CACNA2D3: variants seen among roughly 807,000 people sequenced by gnomAD.
CACNA2D3 encodes voltage-dependent calcium channel subunit alpha-2/delta-3.
In CACNA2D3, 60 loss-of-function variants were observed where a neutral mutation model predicts 160.6. The ratio of observed to expected loss-of-function variants is 0.37; its 90% confidence interval spans 0.30 to 0.46. The LOEUF is 0.46. CACNA2D3 is among the 20% of genes least tolerant of loss of function. The probability of loss-of-function intolerance (pLI) is 1.00; values close to 1 mark genes in which losing one functional copy is unlikely to be tolerated. For missense variants in CACNA2D3, 1,205 were observed against 1,365.0 expected (o/e 0.88, Z 1.85); for synonymous variants, 558 against 492.9 (o/e 1.13, Z -1.75).
intron 25 of CACNA2D3, among the ~76,000 whole-genome samples, chr3:54,892,254 T>C (rs923856097): frequency 2.6e-5 from 4 of 152,128 alleles, no homozygotes; most frequent in Admixed American, 2.0e-4. Context: ...TGTGTGTGTG[T>C]GAGTTCAGAG....
intron 25 of CACNA2D3, chr3:54,894,526 G>A (rs1700140396): frequency 2.1e-6 from 1 of 469,330 alleles, no homozygotes; most frequent in Admixed American, 2.3e-5. Context: ...CATCTACCAT[G>A]ACTCTGGAAA....
intron 13 of CACNA2D3, among the ~76,000 whole-genome samples, chr3:54,799,419 A>G (rs1002292007): frequency 1.3e-5 from 2 of 152,128 alleles, no homozygotes; most frequent in Admixed American, 6.5e-5. Context: ...TTCACTTTCC[A>G]ATGAACAAAG....
At chr3:54,467,752 G>C (rs1050511900) in intron 4 of CACNA2D3, among the ~76,000 whole-genome samples, 2 of 152,152 alleles carry the variant, frequency 1.3e-5, no homozygotes, top group African/African-American at 2.4e-5. Flanking sequence ...AGTGGGGAGA[G>C]ATTGGTTGAT....
At chr3:54,174,075 C>T (rs756916076) in intron 2 of CACNA2D3, among the ~76,000 whole-genome samples, 1 of 152,156 alleles carries the variant, frequency 6.6e-6, no homozygotes, top group Non-Finnish European at 1.5e-5. Context: ...TTAGGCTTTG[C>T]AACTCTATAT....
intron 27 of CACNA2D3, among the ~76,000 whole-genome samples, chr3:54,963,485 C>T (rs185133749): frequency 6.6e-6 from 1 of 152,286 alleles, no homozygotes; most frequent in Non-Finnish European, 1.5e-5. Context: ...ACTAGTGCAA[C>T]TAAGGAACTA....
intron 21 of CACNA2D3, among the ~76,000 whole-genome samples, chr3:54,882,590 T>C (rs985772948): frequency 1.3e-5 from 2 of 152,208 alleles, no homozygotes; most frequent in African/African-American, 4.8e-5. Flanking sequence ...AGTGGCTGCT[T>C]ATCCACCCAA....
chr3:54,520,613 A>G (rs910647703), intron 5 of CACNA2D3, among the ~76,000 whole-genome samples: 1 of 152,230 alleles, frequency 6.6e-6, no homozygotes, highest in African/African-American at 2.4e-5. Context: ...TTATTGAGAT[A>G]CAATTCACAT....
intron 21 of CACNA2D3, 129 bp downstream of exon 21, chr3:54,880,992 A>G: frequency 1.3e-6 from 1 of 750,946 alleles, no homozygotes. Flanking sequence ...TTCCACTCAA[A>G]CGAATGCCTA....
intron 11 of CACNA2D3, among the ~76,000 whole-genome samples, chr3:54,671,378 G>T (rs1352690443): frequency 6.6e-6 from 1 of 152,012 alleles, no homozygotes; most frequent in East Asian, 1.9e-4. Context: ...AGGCTCTTGG[G>T]AGCCTGTGAG....
At position 54,814,822 on chromosome 3, in the gene CACNA2D3, G is replaced by A. The variant is rs1041986604; in HGVS notation, c.1381-2031G>A. ...GCTCAACAAAGATAAAATAGAGAGAGAGAGAAAGGACAGCTCTCCTGTCAG... is the reference window on the plus strand; with the variant it reads ...GCTCAACAAAGATAAAATAGAGAGAAAGAGAAAGGACAGCTCTCCTGTCAG... On this transcript the variant is annotated intron_variant, in intron 13 of 37. Transcript: ENST00000474759. Among the ~76,000 whole-genome samples, 7 of 152,142 alleles carry A rather than the reference G, an allele frequency of 4.6e-5. No homozygotes were observed. In the East Asian group the frequency reaches 1.4e-3, roughly 29 times the overall value.
intron 27 of CACNA2D3, among the ~76,000 whole-genome samples, chr3:54,905,255 G>A (rs994089515): frequency 1.3e-5 from 2 of 152,172 alleles, no homozygotes; most frequent in African/African-American, 4.8e-5. Context: ...GCATAACTCA[G>A]GGCAGTGTAA....
chr3:54,613,417 G>A (rs1252859188), intron 9 of CACNA2D3, among the ~76,000 whole-genome samples: 2 of 152,160 alleles, frequency 1.3e-5, no homozygotes, highest in African/African-American at 2.4e-5. Context: ...GAAAATCCAT[G>A]TTTCCATTTC....
intron 35 of CACNA2D3, among the ~76,000 whole-genome samples, chr3:55,071,912 G>A (rs531901749): frequency 2.0e-4 from 30 of 152,250 alleles, no homozygotes; most frequent in African/African-American, 5.3e-4. Context: ...TTAACCTGCC[G>A]CCTCAAAGGT....
intron 3 of CACNA2D3, among the ~76,000 whole-genome samples, chr3:54,357,826 A>G (rs1698675612): frequency 1.3e-5 from 2 of 152,254 alleles, no homozygotes; most frequent in Non-Finnish European, 2.9e-5. Context: ...AAAAGTCTAC[A>G]TGCTGCATGA....
intron 4 of CACNA2D3, among the ~76,000 whole-genome samples, chr3:54,426,531 C>T (rs879651863): frequency 6.6e-6 from 1 of 152,194 alleles, no homozygotes; most frequent in Admixed American, 6.5e-5. Flanking sequence ...AATTATGATG[C>T]ACCTCCCTAC....
chr3:54,331,522 G>T (rs1256117039), intron 3 of CACNA2D3, among the ~76,000 whole-genome samples: 1 of 152,124 alleles, frequency 6.6e-6, no homozygotes, highest in Non-Finnish European at 1.5e-5. Flanking sequence ...TATCATCTCT[G>T]TTGTCATCAT....
chr3:54,679,018 G>C (rs1246198717), intron 11 of CACNA2D3, among the ~76,000 whole-genome samples: 1 of 152,110 alleles, frequency 6.6e-6, no homozygotes, highest in African/African-American at 2.4e-5. Context: ...CTAACATTTG[G>C]TCAGCCAAGA....
At chr3:54,914,192 G>A (rs1700613857) in intron 27 of CACNA2D3, among the ~76,000 whole-genome samples, 1 of 151,998 alleles carries the variant, frequency 6.6e-6, no homozygotes, top group African/African-American at 2.4e-5. Context: ...TGTAAAATAA[G>A]GACATGGAAC....
At chr3:54,616,560 C>A (rs2106796384) in intron 9 of CACNA2D3, among the ~76,000 whole-genome samples, 1 of 152,314 alleles carries the variant, frequency 6.6e-6, no homozygotes, top group Middle Eastern at 3.4e-3. Context: ...GGGCCCAACA[C>A]AAGGGTCTGC....
Sources: allele counts gnomAD v4.1 joint callset (sites outside exome capture counted in the v4.1 genomes callset), GRCh38; gene constraint gnomAD v4.1.1; transcripts MANE v1.5; gene names NCBI Gene and HGNC (gene_info 2026-07-23, HGNC 2026-07-21).